Variants in KIF6 observed in about 807,000 individuals in gnomAD.
KIF6 encodes kinesin-like protein KIF6.
In KIF6, 106 loss-of-function variants were observed where a neutral mutation model predicts 112.7. The observed-to-expected ratio is 0.94, with a 90% CI of 0.80 to 1.11. KIF6 has a LOEUF of 1.11. Among genes scored for constraint, KIF6 ranks in the 50% least tolerant of loss-of-function variants. KIF6 has a pLI of 0.00. For missense variants in KIF6, 929 were observed against 964.0 expected (o/e 0.96, Z 0.48); for synonymous variants, 339 against 339.9 (o/e 1.00, Z 0.03).
chr6:39,501,998 C>A (rs894064588), intron 13 of KIF6, among the ~76,000 whole-genome samples: 1 of 152,128 alleles, frequency 6.6e-6, no homozygotes, highest in Admixed American at 6.5e-5. Context: ...CAGTAAGATA[C>A]TCCATGAGAA....
intron 14 of KIF6, among the ~76,000 whole-genome samples, chr6:39,425,524 G>C (rs1770701661): frequency 1.3e-5 from 2 of 151,862 alleles, no homozygotes; most frequent in Non-Finnish European, 2.9e-5. Context: ...CAGTTGATCA[G>C]CTCCTCCCCT....
chr6:39,346,806 C>G (rs1763844149), intron 19 of KIF6, among the ~76,000 whole-genome samples: 1 of 152,148 alleles, frequency 6.6e-6, no homozygotes, highest in Non-Finnish European at 1.5e-5. Flanking sequence ...CATCACAACA[C>G]CTGGCTAATT....
chr6:39,560,391 T>G (rs1275634226), intron 10 of KIF6, among the ~76,000 whole-genome samples: 1 of 152,224 alleles, frequency 6.6e-6, no homozygotes, highest in African/African-American at 2.4e-5. Flanking sequence ...AGACTGATTT[T>G]CTCAGGCAAG....
chr6:39,461,044 A>C (rs577530971), intron 13 of KIF6, among the ~76,000 whole-genome samples: 1 of 152,296 alleles, frequency 6.6e-6, no homozygotes, highest in Non-Finnish European at 1.5e-5. Flanking sequence ...ATATATAATA[A>C]ATGTTTTATG....
At chr6:39,607,668 C>A (rs1038610893) in intron 6 of KIF6, among the ~76,000 whole-genome samples, 2 of 152,064 alleles carry the variant, frequency 1.3e-5, no homozygotes, top group Non-Finnish European at 2.9e-5. Flanking sequence ...TCAAGCAATC[C>A]TCCTGCCTCA....
chr6:39,500,465 A>G (rs2150490832), intron 13 of KIF6, among the ~76,000 whole-genome samples: 1 of 152,322 alleles, frequency 6.6e-6, no homozygotes, highest in Non-Finnish European at 1.5e-5. Flanking sequence ...GGTAGAAAAT[A>G]TAGGAGGAAG....
intron 13 of KIF6, among the ~76,000 whole-genome samples, chr6:39,519,480 G>A (rs974030426): frequency 2.0e-5 from 3 of 152,226 alleles, no homozygotes; most frequent in Non-Finnish European, 4.4e-5. Context: ...GTTTTCCTAC[G>A]GTGTTTTACA....
At chr6:39,526,504 T>C (rs900892650) in intron 13 of KIF6, among the ~76,000 whole-genome samples, 1 of 152,180 alleles carries the variant, frequency 6.6e-6, no homozygotes, top group Non-Finnish European at 1.5e-5. Context: ...TTGAAGACCT[T>C]AATGGGATCA....
intron 13 of KIF6, among the ~76,000 whole-genome samples, chr6:39,485,844 A>G (rs2150465877): frequency 6.6e-6 from 1 of 152,346 alleles, no homozygotes; most frequent in South Asian, 2.1e-4. Flanking sequence ...CTAGGCCAGT[A>G]AAGCTCCGAG....
intron 5 of KIF6, among the ~76,000 whole-genome samples, chr6:39,633,229 CA>C (rs1477017272): frequency 6.6e-6 from 1 of 152,012 alleles, no homozygotes; most frequent in Non-Finnish European, 1.5e-5. Context: ...GGGAGAAGAA[CA>C]GAGCATGAGC....
chr6:39,642,738 C>T (rs1784975811), intron 3 of KIF6, among the ~76,000 whole-genome samples: 1 of 152,078 alleles, frequency 6.6e-6, no homozygotes, highest in Admixed American at 6.6e-5. Flanking sequence ...TAAGGGGTTT[C>T]AAAAAACTCT....
intron 3 of KIF6, among the ~76,000 whole-genome samples, chr6:39,678,295 T>A (rs1418347414): frequency 6.6e-6 from 1 of 152,148 alleles, no homozygotes; most frequent in African/African-American, 2.4e-5. Flanking sequence ...AGCCATCCCA[T>A]TACTGGGTAT....
rs200617438 is a variant in KIF6 at position 39,596,247 on chromosome 6, T to C, written c.653A>G (p.Gln218Arg). The C allele has an allele frequency of 1.6e-5, 26 of 1,613,784 alleles. No individual in the cohort carries two copies. The East Asian group carries it at 4.7e-4, about 29-fold the overall frequency. Residue 218 changes from glutamine to arginine, a missense_variant, in exon 7 of 23, where the codon CAA (glutamine) becomes CGA (arginine). Around this residue, in one of 2 missense-constraint regions of KIF6, gnomAD observed 688 missense variants for 662.7 expected, o/e 1.04. Transcript: ENST00000287152. ...NRMIAETPMN[Q>R]ASTRSHCIFT... The stretch of plus-strand genomic sequence containing the variant: ...AATGCAGTGGGAACGGGTTGAAGCT[T>C]GGTTCATAGGAGTCTATAAAAAAAT...
chr6:39,375,007 T>C (rs1766317380), intron 16 of KIF6, among the ~76,000 whole-genome samples: 5 of 152,210 alleles, frequency 3.3e-5, no homozygotes, highest in African/African-American at 1.2e-4. Flanking sequence ...GTGGTATATA[T>C]ACACAATGGA....
chr6:39,467,939 TAATA>T (rs550420647), intron 13 of KIF6, among the ~76,000 whole-genome samples: 2 of 151,994 alleles, frequency 1.3e-5, no homozygotes, highest in Non-Finnish European at 1.5e-5. Flanking sequence ...AAATGAAAAC[TAATA>T]AATAAATAAA....
intron 3 of KIF6, among the ~76,000 whole-genome samples, chr6:39,680,199 A>C (rs925940688): frequency 6.7e-6 from 1 of 149,474 alleles, no homozygotes; most frequent in Non-Finnish European, 1.5e-5. Flanking sequence ...GTAGACACAA[A>C]GTTTCGCCAT....
At chr6:39,499,210 A>G (rs1178267895) in intron 13 of KIF6, among the ~76,000 whole-genome samples, 1 of 152,206 alleles carries the variant, frequency 6.6e-6, no homozygotes, top group Non-Finnish European at 1.5e-5. Flanking sequence ...TTAAAACTGC[A>G]TGTATAAGGG....
At chr6:39,606,118 C>G (rs1004159283) in intron 6 of KIF6, among the ~76,000 whole-genome samples, 8 of 151,770 alleles carry the variant, frequency 5.3e-5, no homozygotes, top group Admixed American at 5.3e-4. Flanking sequence ...TCTTCCTCTT[C>G]TTTTTCCCTC....
At chr6:39,660,834 T>C (rs1786097462) in intron 3 of KIF6, among the ~76,000 whole-genome samples, 1 of 152,208 alleles carries the variant, frequency 6.6e-6, no homozygotes, top group Non-Finnish European at 1.5e-5. Flanking sequence ...ATAATTATTC[T>C]GGTCAACAAA....
Sources: gnomAD v4.1 joint callset for allele counts (sites outside exome capture counted in the v4.1 genomes callset) on GRCh38, gnomAD v4.1.1 for gene constraint, gnomAD v4.1.1 regional missense constraint, MANE v1.5 for transcripts, NCBI Gene and HGNC (gene_info 2026-07-23, HGNC 2026-07-21) for gene names.